BCAN: variants seen among roughly 807,000 people sequenced by gnomAD.
BCAN encodes brevican core protein.
A neutral mutation model predicts 92.4 loss-of-function variants in BCAN; 51 were observed. The observed-to-expected ratio is 0.55, with a 90% CI of 0.44 to 0.70. BCAN has a LOEUF of 0.70. BCAN is among the 30% of genes least tolerant of loss of function. The pLI, the probability that BCAN is intolerant of heterozygous loss-of-function variation, is 0.00. For missense variants in BCAN, 1,140 were observed against 1,212.1 expected (o/e 0.94, Z 0.88); for synonymous variants, 501 against 505.2 (o/e 0.99, Z 0.11).
At chr1:156,650,289 C>T (rs938485481) in intron 6 of BCAN, among the ~76,000 whole-genome samples, 7 of 152,058 alleles carry the variant, frequency 4.6e-5, no homozygotes, top group East Asian at 1.9e-4. Context: ...GTTGGGACTA[C>T]GATTGGTGGA....
Position 156,647,438 on chromosome 1 carries a change from G to T in BCAN, c.467-70G>T. The T allele has an allele frequency of 7.0e-7, 1 of 1,423,842 alleles. No individual in the cohort carries two copies. The highest frequency in any genetic ancestry group is 1.4e-5 in the South Asian group (1 of 72,522). 88.2% of individuals were successfully genotyped at this position (1,423,842 alleles called of 1,614,324 possible). A position where few individuals can be genotyped will look rare whatever the true frequency, so the allele number is the denominator to read the frequency against. The stretch of plus-strand genomic sequence containing the variant: ...TATTTACCCTTGTGTACAGAGGAGT[G>T]ACAAGGAGGGTGAGGGGAGGCCAGC... On this transcript the variant is annotated intron_variant, in intron 3 of 13. Transcript: ENST00000329117. This position sits in a 1 kb window ranked among gnomAD's most constrained non-coding sequence, Gnocchi z 4.8.
chr1:156,653,053 T>C lies in BCAN; in HGVS notation c.1942+161T>C, dbSNP rs946074361. ...CCCACCTCTACCTATGGGTCTCCAA[T>C]CTCGGATATCCACCTTGTGGGTATC... On this transcript the variant is annotated intron_variant, in intron 8 of 13. Coordinates refer to ENST00000329117, the MANE Select transcript of BCAN (RefSeq NM_021948.5). The C allele has an allele frequency of 4.5e-5, 67 of 1,490,466 alleles. No individual in the cohort carries two copies. In the East Asian group the frequency reaches 1.5e-3, roughly 34 times the overall value. 92.3% of individuals were successfully genotyped at this position (1,490,466 alleles called of 1,614,324 possible).
At chr1:156,653,152 C>A in intron 8 of BCAN, 1 of 1,399,488 alleles carries the variant, frequency 7.1e-7, no homozygotes, top group South Asian at 1.7e-5. Context: ...TGCCATTGGG[C>A]CCTCCACCTG....
Position 156,651,699 on chromosome 1 carries a change from A to T in BCAN, c.1297+10A>T. The T allele has an allele frequency of 1.3e-6, 2 of 1,591,830 alleles. No homozygotes were observed. The highest frequency in any genetic ancestry group is 1.7e-6 in the Non-Finnish European group (2 of 1,169,020). On this transcript the variant is annotated intron_variant, in intron 7 of 13. Transcript: ENST00000329117. The stretch of plus-strand genomic sequence containing the variant: ...CCTAGGACGCTCCTAGGTAAGTCGG[A>T]TCCCTTATCCTAAGGATGTCTTGAT...
rs1378858801 is a variant in BCAN at position 156,651,498 on chromosome 1, C to T, written c.1106C>T (p.Ala369Val). Residue 369 changes from alanine to valine, a missense_variant, in exon 7 of 14, where the codon GCC becomes GTC. Ala to Val is a moderately conservative substitution (Grantham distance 64). This residue lies in a region of BCAN where 825 missense variants were observed against 871.8 expected (regional missense o/e 0.95). Transcript: ENST00000329117. ...GCCATCCCTGAGGCCTCCAACCCAG[C>T]CTCCAACCCAGCCTCTGATGGACTA... ...PSAIPEASNPASNPASDGLEA... is the reference protein window; with the variant it reads ...PSAIPEASNPVSNPASDGLEA... 6.2e-7 allele frequency: 1 copy of T among 1,614,066 alleles called. No individual in the cohort carries two copies. The highest frequency in any genetic ancestry group is 2.2e-5 in the East Asian group (1 of 44,884).
In BCAN at chr1:156,651,675, C is replaced by A; in HGVS notation, c.1283C>A (p.Pro428His). 6.2e-7 allele frequency: 1 copy of A among 1,611,386 alleles called. No individual in the cohort carries two copies. Among genetic ancestry groups the A allele is most frequent in the South Asian group, 1.1e-5 (1 of 90,854 alleles). ...SSTPEDPAEA[P>H]RTLLEFETQS... Reference sequence around the variant, plus strand: ...ACTCCAGAAGACCCAGCAGAGGCCCCTAGGACGCTCCTAGGTAAGTCGGAT... The same window carrying A: ...ACTCCAGAAGACCCAGCAGAGGCCCATAGGACGCTCCTAGGTAAGTCGGAT... Residue 428 changes from proline (P) to histidine (H), a missense_variant, in exon 7 of 14, where the codon CCT (proline) becomes CAT (histidine). Transcript: ENST00000329117.
intron 6 of BCAN, among the ~76,000 whole-genome samples, chr1:156,651,147 T>G (rs553935861): frequency 1.3e-5 from 2 of 152,366 alleles, no homozygotes; most frequent in African/African-American, 4.8e-5. Flanking sequence ...GTTCTTTATC[T>G]TGTAAGATTA....
intron 5 of BCAN, 93 bp downstream of exon 5, chr1:156,648,203 TC>T (rs1412948767): frequency 2.7e-6 from 4 of 1,509,238 alleles, no homozygotes; most frequent in Non-Finnish European, 3.6e-6. Context: ...TTACTATCCC[TC>T]CTGAGTTTAA....
In BCAN at chr1:156,647,668, G is replaced by C. The variant is rs143146021; in HGVS notation, c.627G>C (p.Ser209=). 6.3e-7 allele frequency: 1 copy of C among 1,594,198 alleles called. No homozygotes were observed. The highest frequency in any genetic ancestry group is 1.7e-5 in the Admixed American group (1 of 57,540). The change falls in exon 4 of 14, where the codon TCG becomes TCC. Residue 209 remains serine, a synonymous_variant. Transcript: ENST00000329117. The surrounding 1 kb of genome is among the most constrained non-coding windows in gnomAD (Gnocchi z 4.8). ...AGCAATGTGATGCTGGCTGGCTGTC[G>C]GATCAGACCGTGAGGTGGGCAGGGG... is the stretch of plus-strand genomic sequence containing the variant. ...GYEQCDAGWL[S]DQTVRYPIQT...
Position 156,647,596 on chromosome 1 carries a change from C to G in BCAN, c.555C>G (p.His185Gln). The change falls in exon 4 of 14, where the codon CAC (histidine) becomes CAG (glutamine). Residue 185 changes from histidine to glutamine, a missense_variant. By Grantham distance (24) the His-to-Gln change is conservative (BLOSUM62 0). This residue lies in a region of BCAN where 286 missense variants were observed against 284.1 expected (regional missense o/e 1.01). Transcript: ENST00000329117. This position sits in a 1 kb window ranked among gnomAD's most constrained non-coding sequence, Gnocchi z 4.8. Reference protein sequence around the residue: ...AQEACARIGAHIATPEQLYAA... With the variant: ...AQEACARIGAQIATPEQLYAA... ...AGGCCTGTGCCCGCATTGGAGCCCA[C>G]ATCGCCACCCCGGAGCAGCTCTATG... The G allele has an allele frequency of 6.2e-7, 1 of 1,613,304 alleles. No individual in the cohort carries two copies. Among genetic ancestry groups the G allele is most frequent in the Non-Finnish European group, 8.5e-7 (1 of 1,179,728 alleles).
rs776936298 is a variant in BCAN at position 156,658,187 on chromosome 1, G to A, written c.2353G>A (p.Val785Met). 13 of 1,613,920 alleles carry A rather than the reference G, an allele frequency of 8.1e-6. No homozygotes were observed. Among genetic ancestry groups the A allele is most frequent in the South Asian group, 1.1e-5 (1 of 91,078 alleles). The stretch of plus-strand genomic sequence containing the variant: ...CTACTTCCTGTCTGGAGAGAACTGC[G>A]TGGTCATGGTGTGGCATGATCAGGG... ...DSYFLSGENCVVMVWHDQGQW... is the reference protein window; with the variant it reads ...DSYFLSGENCMVMVWHDQGQW... The change falls in exon 12 of 14, where the codon GTG becomes ATG. Residue 785 changes from valine (V) to methionine (M), a missense_variant. This residue lies in a region of BCAN where 825 missense variants were observed against 871.8 expected (regional missense o/e 0.95). Transcript: ENST00000329117. This position sits in a 1 kb window ranked among gnomAD's most constrained non-coding sequence, Gnocchi z 4.4.
chr1:156,653,368 T>C, intron 8 of BCAN: 1 of 1,025,372 alleles, frequency 9.8e-7, no homozygotes, highest in Non-Finnish European at 1.2e-6. Flanking sequence ...GGAGAACCCG[T>C]ACCCCCACAG....
intron 8 of BCAN, among the ~76,000 whole-genome samples, chr1:156,655,124 A>G (rs1679289429): frequency 6.6e-6 from 1 of 151,832 alleles, no homozygotes; most frequent in Admixed American, 6.6e-5. Flanking sequence ...GAGGGCCTTG[A>G]CCTTACCATG....
intron 11 of BCAN, 71 bp downstream of exon 11, chr1:156,657,828 A>ACCCCCC: frequency 1.1e-6 from 1 of 870,982 alleles, no homozygotes; most frequent in Admixed American, 4.9e-5. Flanking sequence ...TACCACCCCC[A>ACCCCCC]CCCCTCCCGA....
Position 156,652,770 on chromosome 1 carries a change from T to A in BCAN, c.1820T>A (p.Leu607Gln). The change falls in exon 8 of 14, where the codon CTG (leucine) becomes CAG (glutamine). Residue 607 changes from leucine (L) to glutamine (Q), a missense_variant. Coordinates refer to ENST00000329117, the MANE Select transcript of BCAN (RefSeq NM_021948.5). ...ATRAPEGTRE[L>Q]EAPSEDNSGR... Reference sequence around the variant, plus strand: ...CGGGCCCCTGAGGGTACCAGGGAGCTGGAGGCCCCCTCTGAAGATAATTCT... The same window carrying A: ...CGGGCCCCTGAGGGTACCAGGGAGCAGGAGGCCCCCTCTGAAGATAATTCT... 1 of 1,611,066 alleles carries A rather than the reference T, an allele frequency of 6.2e-7. No homozygotes were observed. Among genetic ancestry groups the A allele is most frequent in the Non-Finnish European group, 8.5e-7 (1 of 1,177,900 alleles).
chr1:156,658,098 GCTCCTCACCAC>G lies in BCAN; in HGVS notation c.2293-22_2293-12del. 1.2e-6 allele frequency: 2 copies of G among 1,608,992 alleles called. No individual in the cohort carries two copies. The highest frequency in any genetic ancestry group is 1.7e-6 in the Non-Finnish European group (2 of 1,177,348). On this transcript the variant is annotated intron_variant, in intron 11 of 13. Coordinates refer to ENST00000329117, the MANE Select transcript of BCAN (RefSeq NM_021948.5). This position sits in a 1 kb window ranked among gnomAD's most constrained non-coding sequence, Gnocchi z 4.4. ...CTCTCCCGGTGCTCCTGGTGTAGGA[GCTCCTCACCAC>G]CTCCTCCGTTCCCCCAGCTCTATGA...
intron 8 of BCAN, among the ~76,000 whole-genome samples, chr1:156,655,536 C>T (rs1359501899): frequency 1.3e-5 from 2 of 152,162 alleles, no homozygotes. Flanking sequence ...GAGAAAGCTG[C>T]ATGTGTGAGG....
At position 156,656,322 on chromosome 1, in the gene BCAN, C is replaced by T; in HGVS notation, c.1983C>T (p.Cys661=). Residue 661 remains cysteine, a synonymous_variant, in exon 9 of 14, where the codon TGC becomes TGT. Transcript: ENST00000329117. The part of the protein sequence containing the change: ...VPSPCHNGGT[C]LEEEEGVRCL... Reference sequence around the variant, plus strand: ...GCCCCTGCCACAATGGTGGGACATGCTTGGAGGAGGAGGAAGGGGTCCGCT... The same window carrying T: ...GCCCCTGCCACAATGGTGGGACATGTTTGGAGGAGGAGGAAGGGGTCCGCT... 6.9e-7 allele frequency: 1 copy of T among 1,444,520 alleles called. No individual in the cohort carries two copies. 89.5% of individuals were successfully genotyped at this position (1,444,520 alleles called of 1,614,324 possible). A position where few individuals can be genotyped will look rare whatever the true frequency, so the allele number is the denominator to read the frequency against.
chr1:156,647,982 G>T lies in BCAN; in HGVS notation c.642-1G>T, dbSNP rs1182933072. The stretch of plus-strand genomic sequence containing the variant: ...TAAGTGATTCTGTCCTTCCTCCCTA[G>T]GTATCCCATCCAGACCCCACGAGAG... On this transcript the variant is annotated splice_acceptor_variant, in intron 4 of 13. Coordinates refer to ENST00000329117, the MANE Select transcript of BCAN (RefSeq NM_021948.5). LOFTEE classifies it high-confidence loss of function. This position sits in a 1 kb window ranked among gnomAD's most constrained non-coding sequence, Gnocchi z 4.8. 1.2e-6 allele frequency: 2 copies of T among 1,613,040 alleles called. No homozygotes were observed. Among genetic ancestry groups the T allele is most frequent in the Non-Finnish European group, 1.7e-6 (2 of 1,179,234 alleles).
Sources: allele counts gnomAD v4.1 joint callset (sites outside exome capture counted in the v4.1 genomes callset), GRCh38; gene constraint gnomAD v4.1.1; regional missense constraint gnomAD v4.1.1; non-coding constraint Gnocchi (gnomAD v3.1); transcripts MANE v1.5; gene names NCBI Gene and HGNC (gene_info 2026-07-23, HGNC 2026-07-21).